Variants in RPS6KC1 observed in about 807,000 individuals in gnomAD.
The protein encoded by RPS6KC1 is inactive ribosomal protein S6 kinase delta-1.
A neutral mutation model predicts 103.8 loss-of-function variants in RPS6KC1; 54 were observed. That is an observed-to-expected ratio of 0.52 (90% CI 0.42 to 0.65). RPS6KC1 has a LOEUF of 0.65. RPS6KC1 is among the 30% of genes least tolerant of loss of function. RPS6KC1 has a pLI of 0.00. For synonymous variants in RPS6KC1, 439 were observed against 438.7 expected, an observed-to-expected ratio of 1.00 and a Z score of -0.01; for missense variants, 1,151 against 1,253.8, an observed-to-expected ratio of 0.92 and a Z score of 1.24.
chr1:213,157,454 G>A lies in RPS6KC1; in HGVS notation c.836-10404G>A, dbSNP rs538663055. 1.2e-4 allele frequency among the ~76,000 whole-genome samples: 18 copies of A among 152,176 alleles called. 1 individual carries two copies. The highest frequency in any genetic ancestry group is 4.1e-4 in the African/African-American group (17 of 41,528). On this transcript the variant is annotated intron_variant, in intron 6 of 14. Coordinates refer to ENST00000366960, the MANE Select transcript of RPS6KC1 (RefSeq NM_012424.6). ...GATCTCCTGACCTTGTGATCTGCCC[G>A]CCTCGGCCTGCCAAAGTGCTGGGAT...
the RPS6KC1 span, among the ~76,000 whole-genome samples, chr1:213,751,597 A>G: frequency 6.6e-6 from 1 of 152,260 alleles, no homozygotes; most frequent in South Asian, 2.1e-4. Flanking sequence ...AGCCTGGAAG[A>G]CAGTAACAGA....
the RPS6KC1 span, among the ~76,000 whole-genome samples, chr1:213,303,929 G>T: frequency 6.6e-6 from 1 of 151,852 alleles, no homozygotes; most frequent in East Asian, 1.9e-4. Context: ...CTTGAGGCCG[G>T]GCGCGGTGGC....
At chr1:213,549,301 T>A in the RPS6KC1 span, among the ~76,000 whole-genome samples, 1 of 152,178 alleles carries the variant, frequency 6.6e-6, no homozygotes, top group African/African-American at 2.4e-5. Flanking sequence ...GAGAGAGAAA[T>A]CACTCCAGAT....
chr1:213,299,736 A>G, the RPS6KC1 span, among the ~76,000 whole-genome samples: 13 of 152,322 alleles, frequency 8.5e-5, no homozygotes, highest in Middle Eastern at 3.4e-3. Context: ...CTTTTCTCAT[A>G]CTGTCTTCAA....
chr1:213,400,067 A>G, the RPS6KC1 span, among the ~76,000 whole-genome samples: 2 of 152,168 alleles, frequency 1.3e-5, no homozygotes, highest in South Asian at 2.1e-4. Context: ...CATAGAAAAA[A>G]GAGGTGGGCG....
At chr1:213,294,559 A>C in the RPS6KC1 span, among the ~76,000 whole-genome samples, 3 of 152,142 alleles carry the variant, frequency 2.0e-5, no homozygotes, top group African/African-American at 7.2e-5. Context: ...TGGAGAGAGC[A>C]CAGTCAGTGA....
intron 12 of RPS6KC1, among the ~76,000 whole-genome samples, chr1:213,250,077 A>G (rs542874765): frequency 7.9e-5 from 12 of 152,298 alleles, no homozygotes; most frequent in African/African-American, 2.6e-4. Context: ...TCCCCACAAT[A>G]CAGCAGGCCC....
At chr1:213,694,537 G>C in the RPS6KC1 span, among the ~76,000 whole-genome samples, 1 of 152,168 alleles carries the variant, frequency 6.6e-6, no homozygotes, top group Non-Finnish European at 1.5e-5. Flanking sequence ...GACACCACAT[G>C]ACAAGAGTCA....
the RPS6KC1 span, among the ~76,000 whole-genome samples, chr1:213,761,847 G>T: frequency 6.6e-6 from 1 of 152,206 alleles, no homozygotes; most frequent in East Asian, 1.9e-4. Context: ...CTCAGTGGTG[G>T]GTTGAGGGTG....
At chr1:213,500,852 A>G in the RPS6KC1 span, among the ~76,000 whole-genome samples, 10 of 151,960 alleles carry the variant, frequency 6.6e-5, no homozygotes, top group African/African-American at 2.4e-4. Flanking sequence ...AAGGGTGTCT[A>G]TATGTAAAAC....
chr1:213,280,168 G>A, the RPS6KC1 span, among the ~76,000 whole-genome samples: 1 of 152,150 alleles, frequency 6.6e-6, no homozygotes, highest in Non-Finnish European at 1.5e-5. Context: ...AGACAAGGAG[G>A]AAGGGAAAAG....
the RPS6KC1 span, among the ~76,000 whole-genome samples, chr1:213,396,894 C>T: frequency 6.6e-6 from 1 of 152,260 alleles, no homozygotes; most frequent in East Asian, 1.9e-4. Flanking sequence ...TGCATCCATG[C>T]CATGGCCAAC....
At chr1:213,701,246 GT>G in the RPS6KC1 span, among the ~76,000 whole-genome samples, 61 of 151,530 alleles carry the variant, frequency 4.0e-4, no homozygotes, top group African/African-American at 6.8e-4. Flanking sequence ...TTTTTTGAGG[GT>G]TTTTTTTATC....
the RPS6KC1 span, among the ~76,000 whole-genome samples, chr1:213,574,301 C>T: frequency 5.6e-4 from 86 of 152,214 alleles, no homozygotes; most frequent in African/African-American, 2.0e-3. Context: ...ACTCTGATAT[C>T]AGTTGGAATC....
Position 213,147,864 on chromosome 1 carries a change from GT to G in RPS6KC1, c.835+17983del, listed in dbSNP as rs996588747. ...TTTCCATATTTTGATGTCCTCTTCA[GT>G]TTTTTTTCATCAGTGTTTTATAGTT... On this transcript the variant is annotated intron_variant, in intron 6 of 14. Transcript: ENST00000366960. Among the ~76,000 whole-genome samples the G allele has an allele frequency of 5.3e-5, 8 of 151,760 alleles. No homozygotes were observed. The East Asian group carries it at 1.4e-3, about 26-fold the overall frequency.
the RPS6KC1 span, among the ~76,000 whole-genome samples, chr1:213,557,118 C>T: frequency 1.3e-5 from 2 of 152,140 alleles, no homozygotes; most frequent in Non-Finnish European, 2.9e-5. Flanking sequence ...TGGCTCCTCA[C>T]CTTATCCCTC....
At chr1:213,452,222 G>A in the RPS6KC1 span, among the ~76,000 whole-genome samples, 1 of 151,868 alleles carries the variant, frequency 6.6e-6, no homozygotes, top group Admixed American at 6.6e-5. Flanking sequence ...TTAATCATGA[G>A]CTAATTTACA....
intron 4 of RPS6KC1, among the ~76,000 whole-genome samples, chr1:213,116,968 C>G (rs988279866): frequency 6.6e-6 from 1 of 152,134 alleles, no homozygotes; most frequent in Non-Finnish European, 1.5e-5. Flanking sequence ...TGACCTTTCT[C>G]TCTGGCTGCT....
intron 6 of RPS6KC1, among the ~76,000 whole-genome samples, chr1:213,164,120 A>G (rs928790661): frequency 6.6e-6 from 1 of 152,352 alleles, no homozygotes; most frequent in Non-Finnish European, 1.5e-5. Context: ...TGTAACTGAG[A>G]AAGACATTTC....
Sources: gnomAD v4.1 joint callset for allele counts (sites outside exome capture counted in the v4.1 genomes callset) on GRCh38, gnomAD v4.1.1 for gene constraint, MANE v1.5 for transcripts, NCBI Gene and HGNC (gene_info 2026-07-23, HGNC 2026-07-21) for gene names.